OR51B5: variants seen among roughly 807,000 people sequenced by gnomAD.
OR51B5 encodes the protein olfactory receptor 51B5.
For missense variants in OR51B5, 456 were observed against 374.6 expected (o/e 1.22, Z -1.79); for synonymous variants, 186 against 144.8 (o/e 1.28, Z -2.04).
chr11:5,428,219 C>T (rs61894126), intron 1 of OR51B5, among the ~76,000 whole-genome samples: 7,799 of 151,896 alleles, frequency 0.051, 617 homozygotes, highest in East Asian at 0.42. Context: ...TATAGGCGTA[C>T]CTTGGAGATA....
At chr11:5,483,629 A>T (rs1435701314) in intron 1 of OR51B5, among the ~76,000 whole-genome samples, 1 of 151,894 alleles carries the variant, frequency 6.6e-6, no homozygotes, top group Admixed American at 6.6e-5. Context: ...AAGACAGGCT[A>T]GCTGTTTAAT....
intron 1 of OR51B5, chr11:5,423,206 G>A (rs775531108): frequency 8.2e-6 from 12 of 1,469,494 alleles, no homozygotes; most frequent in East Asian, 4.8e-5. Context: ...GCTTAAGGGG[G>A]GAATATATTC....
chr11:5,407,131 G>A (rs1300688617), intron 1 of OR51B5, among the ~76,000 whole-genome samples: 1 of 152,064 alleles, frequency 6.6e-6, no homozygotes, highest in East Asian at 1.9e-4. Context: ...TACCAAAACT[G>A]ACAGTACTGT....
At chr11:5,422,535 T>C in intron 1 of OR51B5, 1 of 1,614,176 alleles carries the variant, frequency 6.2e-7, no homozygotes, top group South Asian at 1.1e-5. Context: ...TTCTCCTTTA[T>C]GGAGTCTTCT....
intron 1 of OR51B5, among the ~76,000 whole-genome samples, chr11:5,435,395 A>C (rs1589994636): frequency 6.6e-6 from 1 of 152,208 alleles, no homozygotes; most frequent in South Asian, 2.1e-4. Flanking sequence ...ATTTTCTTGC[A>C]GAACACTTAT....
intron 1 of OR51B5, chr11:5,402,599 GA>G (rs1849987644): frequency 4.3e-6 from 2 of 468,824 alleles, no homozygotes; most frequent in Admixed American, 4.7e-5. Context: ...ATGTCAACAT[GA>G]AAATTTCTAA....
chr11:5,462,850 C>T (rs1043313304), intron 1 of OR51B5, among the ~76,000 whole-genome samples: 7 of 152,148 alleles, frequency 4.6e-5, no homozygotes, highest in African/African-American at 1.7e-4. Flanking sequence ...AGCATTTGCT[C>T]GTAAATGCTT....
intron 1 of OR51B5, among the ~76,000 whole-genome samples, chr11:5,357,072 T>C (rs909050033): frequency 4.0e-5 from 6 of 151,716 alleles, no homozygotes; most frequent in African/African-American, 1.5e-4. Flanking sequence ...CATCAACTAA[T>C]GAGCAAAATA....
intron 1 of OR51B5, among the ~76,000 whole-genome samples, chr11:5,386,115 T>C (rs1352953115): frequency 6.6e-6 from 1 of 152,044 alleles, no homozygotes; most frequent in Non-Finnish European, 1.5e-5. Flanking sequence ...TTGTACTAAG[T>C]CTTAAAGGAT....
intron 1 of OR51B5, among the ~76,000 whole-genome samples, chr11:5,350,239 G>C (rs1368245820): frequency 1.3e-5 from 2 of 152,216 alleles, no homozygotes; most frequent in South Asian, 2.1e-4. Flanking sequence ...CAAATCTCAA[G>C]ATTAAATTAC....
At chr11:5,480,554 T>G (rs1164284218) in intron 1 of OR51B5, among the ~76,000 whole-genome samples, 3 of 151,428 alleles carry the variant, frequency 2.0e-5, no homozygotes, top group Admixed American at 6.6e-5. Context: ...CTTCAAAAAA[T>G]CAATGAATCC....
At chr11:5,412,822 A>C (rs1431761970) in intron 1 of OR51B5, among the ~76,000 whole-genome samples, 1 of 152,034 alleles carries the variant, frequency 6.6e-6, no homozygotes, top group South Asian at 2.1e-4. Context: ...CCACAGCTCA[A>C]GGAGGCCTGC....
chr11:5,384,398 T>A (rs556655690), intron 1 of OR51B5, among the ~76,000 whole-genome samples: 2 of 152,184 alleles, frequency 1.3e-5, no homozygotes, highest in Non-Finnish European at 1.5e-5. Context: ...TCTCACAGAA[T>A]CTCTTCTGAT....
chr11:5,409,849 A>G (rs1850117382), intron 1 of OR51B5, among the ~76,000 whole-genome samples: 1 of 152,198 alleles, frequency 6.6e-6, no homozygotes, highest in African/African-American at 2.4e-5. Context: ...AGCATATCAT[A>G]TTTAAATTAA....
At chr11:5,344,709 C>T (rs1237414974), upstream of OR51B5, among the ~76,000 whole-genome samples, 1 of 152,152 alleles carries the variant, frequency 6.6e-6, no homozygotes, top group Non-Finnish European at 1.5e-5. Context: ...TGTGAACACG[C>T]ATCATGTGAC....
intron 1 of OR51B5, among the ~76,000 whole-genome samples, chr11:5,374,332 ACATCAC>A (rs1849490777): frequency 6.6e-6 from 1 of 152,132 alleles, no homozygotes; most frequent in African/African-American, 2.4e-5. Context: ...ACCCATCGGT[ACATCAC>A]TATCATCAAA....
At chr11:5,438,245 G>A (rs564776426) in intron 1 of OR51B5, among the ~76,000 whole-genome samples, 1 of 151,230 alleles carries the variant, frequency 6.6e-6, no homozygotes, top group South Asian at 2.1e-4. Flanking sequence ...GCAGCATGAA[G>A]GGGAACAAAC....
At chr11:5,405,112 A>G (rs1230794995) in intron 1 of OR51B5, among the ~76,000 whole-genome samples, 1 of 152,222 alleles carries the variant, frequency 6.6e-6, no homozygotes, top group Non-Finnish European at 1.5e-5. Flanking sequence ...GGCATTTAAA[A>G]TGATGTAAAG....
At chr11:5,341,329 A>G (rs778392858), downstream of OR51B5, 1 of 151,590 alleles carries the variant, frequency 6.6e-6, no homozygotes, top group Non-Finnish European at 1.5e-5. Context: ...CATTTTCTTC[A>G]TAAGACATTT....
Sources: allele counts gnomAD v4.1 joint callset (sites outside exome capture counted in the v4.1 genomes callset), GRCh38; gene constraint gnomAD v4.1.1; transcripts MANE v1.5; gene names NCBI Gene and HGNC (gene_info 2026-07-23, HGNC 2026-07-21).